Variants in KIF21A observed in about 807,000 individuals in gnomAD.
The protein encoded by KIF21A is kinesin-like protein KIF21A.
Under a neutral mutation model 202.9 loss-of-function variants are expected in KIF21A, and 114 were observed. The ratio of observed to expected loss-of-function variants is 0.56; its 90% confidence interval spans 0.48 to 0.66. KIF21A has a LOEUF of 0.66. Ranked by LOEUF, KIF21A falls within the 30% of genes least tolerant of loss-of-function variation. KIF21A has a pLI of 0.00. For synonymous variants in KIF21A, 667 were observed against 670.8 expected, an observed-to-expected ratio of 0.99 and a Z score of 0.09; for missense variants, 1,677 against 1,994.9, an observed-to-expected ratio of 0.84 and a Z score of 3.04.
At chr12:39,315,275 G>C (rs775675677) in intron 30 of KIF21A, 35 bp from the exon 31 acceptor site, 1 of 1,603,138 alleles carries the variant, frequency 6.2e-7, no homozygotes, top group Non-Finnish European at 8.5e-7. Context: ...CATAAAACAA[G>C]GAAAACAAGT....
At position 39,441,660 on chromosome 12, in the gene KIF21A, T is replaced by TAAAAAAAAAAAAAAA. The variant is rs56245570; in HGVS notation, c.44+1252_44+1266dup. 4.2e-3 allele frequency among the ~76,000 whole-genome samples: 157 copies of TAAAAAAAAAAAAAAA among 37,726 alleles called. 28 individuals carry two copies. The highest frequency in any genetic ancestry group is 0.013 in the African/African-American group (123 of 9,514). The allele number at this position is 37,726 out of a possible 152,430, so 24.7% of individuals were successfully genotyped here. A position where few individuals can be genotyped will look rare whatever the true frequency, so the allele number is the denominator to read the frequency against. On this transcript the variant is annotated intron_variant, in intron 1 of 37. Transcript: ENST00000361418. ...ATAAAACTGTCACCTCCCTGGGTGG[T>TAAAAAAAAAAAAAAA]AAAAAAAAAAAAAAAAAAAACACTT...
In KIF21A at chr12:39,322,849, G is replaced by A. The variant is rs1225382517; in HGVS notation, c.3490C>T (p.Leu1164=). ...RRRTTTQMEL[L]YADSSELASD... ...GCTAGTTCACTGCTATCTGCATACA[G>A]CAATTCCATCTGAGTGGTGGTTCTC... Residue 1164 remains leucine, a synonymous_variant, in exon 27 of 38, where the codon CTG becomes TTG. Coordinates refer to ENST00000361418, the MANE Select transcript of KIF21A (RefSeq NM_001173464.2). The A allele has an allele frequency of 1.3e-6, 2 of 1,585,496 alleles. No homozygotes were observed. Among genetic ancestry groups the A allele is most frequent in the African/African-American group, 2.8e-5 (2 of 72,190 alleles).
chr12:39,400,292 AT>A (rs1197443414), intron 1 of KIF21A, among the ~76,000 whole-genome samples: 1 of 152,154 alleles, frequency 6.6e-6, no homozygotes, highest in African/African-American at 2.4e-5. Context: ...TTCAACTTCT[AT>A]TTTACATTCC....
In KIF21A at chr12:39,318,053, T is replaced by C. The variant is rs562143096; in HGVS notation, c.3908+20A>G. 6.2e-7 allele frequency: 1 copy of C among 1,608,304 alleles called. No individual in the cohort carries two copies. The highest frequency in any genetic ancestry group is 1.1e-5 in the South Asian group (1 of 90,986). On this transcript the variant is annotated intron_variant, in intron 29 of 37. Transcript: ENST00000361418. ...AGAATATTATATAAATAATTGGGGC[T>C]CTTTTCCATAATGACTTACTTATCC...
At chr12:39,312,963 A>C (rs998249295) in intron 31 of KIF21A, 5 of 151,994 alleles carry the variant, frequency 3.3e-5, no homozygotes, top group Admixed American at 6.6e-5. Flanking sequence ...CAAATGGCAT[A>C]TTAGGACAAA....
At chr12:39,391,206 T>A (rs1021311486) in intron 1 of KIF21A, among the ~76,000 whole-genome samples, 1 of 152,188 alleles carries the variant, frequency 6.6e-6, no homozygotes, top group Non-Finnish European at 1.5e-5. Context: ...AGATAGAGTT[T>A]CAATAACAAG....
chr12:39,413,902 T>C (rs1443811615), intron 1 of KIF21A, among the ~76,000 whole-genome samples: 1 of 152,062 alleles, frequency 6.6e-6, no homozygotes, highest in East Asian at 1.9e-4. Context: ...CATAAAGTTG[T>C]TTTCCCATAA....
At chr12:39,425,806 G>A (rs187117471) in intron 1 of KIF21A, among the ~76,000 whole-genome samples, 97 of 152,068 alleles carry the variant, frequency 6.4e-4, no homozygotes, top group Middle Eastern at 3.4e-3. Flanking sequence ...TAGGAAAGGA[G>A]TCAGGTTCAA....
At chr12:39,301,705 AG>A in intron 36 of KIF21A, 26 bp from the exon 37 acceptor site, 1 of 1,584,614 alleles carries the variant, frequency 6.3e-7, no homozygotes, top group East Asian at 2.2e-5. Flanking sequence ...TGAAATCAGC[AG>A]CTTAAGGAGA....
chr12:39,376,951 T>C (rs377566240), intron 1 of KIF21A, among the ~76,000 whole-genome samples: 45 of 152,302 alleles, frequency 3.0e-4, no homozygotes, highest in African/African-American at 1.0e-3. Flanking sequence ...TGATTTGTTG[T>C]CCTGTTAGAA....
At chr12:39,335,692 T>A (rs1487190104) in intron 17 of KIF21A, among the ~76,000 whole-genome samples, 29 of 152,182 alleles carry the variant, frequency 1.9e-4, no homozygotes, top group Non-Finnish European at 8.8e-5. Context: ...TCTCAACTTT[T>A]AAAACAATAA....
Position 39,329,752 on chromosome 12 carries a change from C to T in KIF21A, c.3340+490G>A, listed in dbSNP as rs190653096. Among the ~76,000 whole-genome samples the T allele has an allele frequency of 1.7e-3, 261 of 152,040 alleles. 1 individual carries two copies. The highest frequency in any genetic ancestry group is 6.0e-3 in the African/African-American group (249 of 41,460). On this transcript the variant is annotated intron_variant, in intron 24 of 37. Coordinates refer to ENST00000361418, the MANE Select transcript of KIF21A (RefSeq NM_001173464.2). ...TTGTTTCAACCTGTTCAGGTAAAAT[C>T]CTTTGGATAGTTTTGTTCAGTTTAC...
chr12:39,337,369 A>G, intron 16 of KIF21A, 166 bp from the exon 17 acceptor site: 1 of 606,416 alleles, frequency 1.6e-6, no homozygotes, highest in East Asian at 2.8e-5. Context: ...TGGGATTCAT[A>G]TATTTCTATT....
chr12:39,348,542 A>G (rs1330711864), intron 11 of KIF21A, among the ~76,000 whole-genome samples: 1 of 152,066 alleles, frequency 6.6e-6, no homozygotes, highest in Non-Finnish European at 1.5e-5. Flanking sequence ...CAGCTTCTGG[A>G]AAATGATCCA....
intron 1 of KIF21A, among the ~76,000 whole-genome samples, chr12:39,379,778 T>TAC (rs1566059104): frequency 1.3e-5 from 2 of 152,198 alleles, no homozygotes; most frequent in Non-Finnish European, 2.9e-5. Context: ...TCTTATACCA[T>TAC]AGCCAGTGGT....
chr12:39,398,214 A>G (rs1951901520), intron 1 of KIF21A, among the ~76,000 whole-genome samples: 1 of 152,248 alleles, frequency 6.6e-6, no homozygotes, highest in Non-Finnish European at 1.5e-5. Context: ...GAGAAAGGCC[A>G]TTGAATCTTG....
intron 23 of KIF21A, 74 bp downstream of exon 23, chr12:39,330,672 G>C (rs1480868176): frequency 1.6e-6 from 2 of 1,268,762 alleles, no homozygotes; most frequent in African/African-American, 1.5e-5. Flanking sequence ...ATAGGGGAAA[G>C]GGATATACTA....
Position 39,303,019 on chromosome 12 carries a change from C to G in KIF21A, c.4677G>C (p.Gly1559=). The G allele has an allele frequency of 5.0e-6, 8 of 1,613,990 alleles. No individual in the cohort carries two copies. Among genetic ancestry groups the G allele is most frequent in the Non-Finnish European group, 6.8e-6 (8 of 1,179,902 alleles). The stretch of plus-strand genomic sequence containing the variant: ...ATTTCTTGATTCCATTATCTCTAGA[C>G]CCACTAAATAGGTTATCCCCTTGAA... The part of the protein sequence containing the change: ...LTIQGDNLFS[G]SRDNGIKKWD... Residue 1559 remains glycine (G), a synonymous_variant, in exon 36 of 38, where the codon GGG becomes GGC. Transcript: ENST00000361418.
rs754519308 is a variant in KIF21A, at chr12:39,301,682, A to G, written c.4732-3T>C. Reference sequence around the variant, plus strand: ...TCCTTATGTGCATTTGGAACTTGCTAAAAGAAAAAAAGTGAAATCAGCAGC... The same window carrying G: ...TCCTTATGTGCATTTGGAACTTGCTGAAAGAAAAAAAGTGAAATCAGCAGC... On this transcript the variant is annotated splice_polypyrimidine_tract_variant and splice_region_variant and intron_variant, in intron 36 of 37. Transcript: ENST00000361418. 2.5e-6 allele frequency: 4 copies of G among 1,613,546 alleles called. No individual in the cohort carries two copies. In the South Asian group the frequency reaches 3.3e-5, roughly 13 times the overall value.
Sources: gnomAD v4.1 joint callset for allele counts (sites outside exome capture counted in the v4.1 genomes callset) on GRCh38, gnomAD v4.1.1 for gene constraint, MANE v1.5 for transcripts, NCBI Gene and HGNC (gene_info 2026-07-23, HGNC 2026-07-21) for gene names.